CSMD1: variants seen among roughly 807,000 people sequenced by gnomAD.
The protein encoded by CSMD1 is CUB and Sushi multiple domains 1, also known as CUB and sushi domain-containing protein 1.
In CSMD1, 213 loss-of-function variants were observed where a neutral mutation model predicts 417.5. That is an observed-to-expected ratio of 0.51 (90% CI 0.46 to 0.57). The LOEUF (loss-of-function observed/expected upper bound fraction) is 0.57. Among genes scored for constraint, CSMD1 ranks in the 20% least tolerant of loss-of-function variants. The probability of loss-of-function intolerance (pLI) is 0.00; values close to 1 mark genes in which losing one functional copy is unlikely to be tolerated. For missense variants in CSMD1, 6,923 were observed against 4,529.7 expected, an observed-to-expected ratio of 1.53 and a Z score of -15.17; for synonymous variants, 2,862 against 1,736.8, an observed-to-expected ratio of 1.65 and a Z score of -16.11.
At chr8:3,320,067 T>C (rs769065520) in intron 23 of CSMD1, among the ~76,000 whole-genome samples, 15 of 152,058 alleles carry the variant, frequency 9.9e-5, no homozygotes, top group Non-Finnish European at 1.6e-4. Context: ...AACTCCAGCA[T>C]AGAGGGGCTG....
intron 3 of CSMD1, among the ~76,000 whole-genome samples, chr8:4,361,241 A>C (rs1264815631): frequency 6.6e-6 from 1 of 152,198 alleles, no homozygotes; most frequent in Non-Finnish European, 1.5e-5. Context: ...CTCAAAAAGC[A>C]GGAAGGAAAA....
At chr8:4,554,696 A>G (rs776104078) in intron 2 of CSMD1, among the ~76,000 whole-genome samples, 1 of 152,192 alleles carries the variant, frequency 6.6e-6, no homozygotes. Flanking sequence ...CATCATAAAT[A>G]CCTAAAAATT....
intron 2 of CSMD1, among the ~76,000 whole-genome samples, chr8:4,455,824 A>G (rs1272387400): frequency 4.0e-5 from 6 of 148,712 alleles, no homozygotes; most frequent in Non-Finnish European, 7.4e-5. Flanking sequence ...CCAGCTACTC[A>G]GGAGGCTGAG....
intron 17 of CSMD1, among the ~76,000 whole-genome samples, chr8:3,392,920 G>C (rs1011424274): frequency 4.6e-5 from 7 of 152,094 alleles, no homozygotes; most frequent in Admixed American, 4.6e-4. Flanking sequence ...TTTAAACCCC[G>C]CAGGTAACCC....
intron 3 of CSMD1, among the ~76,000 whole-genome samples, chr8:4,267,116 A>C (rs1804272149): frequency 9.6e-6 from 1 of 103,730 alleles, no homozygotes; most frequent in African/African-American, 2.6e-5. Flanking sequence ...AGTGCTTTCT[A>C]ATGCAATTAG....
intron 1 of CSMD1, among the ~76,000 whole-genome samples, chr8:4,970,366 G>A (rs905936747): frequency 6.6e-6 from 1 of 151,946 alleles, no homozygotes; most frequent in African/African-American, 2.4e-5. Flanking sequence ...ATTCAAAAAT[G>A]GTATCAGCTT....
chr8:4,710,484 ATC>A (rs1808217610), intron 1 of CSMD1, among the ~76,000 whole-genome samples: 2 of 147,830 alleles, frequency 1.4e-5, no homozygotes, highest in Middle Eastern at 3.6e-3. Context: ...ATATATATGT[ATC>A]TCTGTCTCTC....
intron 5 of CSMD1, among the ~76,000 whole-genome samples, chr8:3,798,567 T>TG (rs1800289545): frequency 6.6e-6 from 1 of 151,992 alleles, no homozygotes; most frequent in Non-Finnish European, 1.5e-5. Context: ...TTTTGAGAGG[T>TG]GATTGCAATG....
At chr8:3,349,425 T>A (rs770242793) in intron 21 of CSMD1, among the ~76,000 whole-genome samples, 14 of 152,132 alleles carry the variant, frequency 9.2e-5, no homozygotes, top group Admixed American at 3.3e-4. Context: ...AATGCCTCCA[T>A]GTGGAAGGGT....
At chr8:3,938,264 T>G (rs193171517) in intron 5 of CSMD1, among the ~76,000 whole-genome samples, 16 of 152,064 alleles carry the variant, frequency 1.1e-4, no homozygotes, top group Non-Finnish European at 2.2e-4. Context: ...AAAAATTAAA[T>G]CTACAGAGCA....
At chr8:4,689,468 G>T (rs1289095435) in intron 1 of CSMD1, among the ~76,000 whole-genome samples, 3 of 151,870 alleles carry the variant, frequency 2.0e-5, no homozygotes, top group Middle Eastern at 3.2e-3. Context: ...AGGATTTGTG[G>T]GGAAAAAAGG....
chr8:3,165,658 T>G (rs533913370), intron 37 of CSMD1, among the ~76,000 whole-genome samples: 100 of 152,168 alleles, frequency 6.6e-4, no homozygotes, highest in Non-Finnish European at 1.2e-3. Context: ...GGTCTTGAAC[T>G]CCTGACCTCG....
chr8:3,705,940 G>C (rs1801142075), intron 7 of CSMD1, among the ~76,000 whole-genome samples: 1 of 152,222 alleles, frequency 6.6e-6, no homozygotes, highest in African/African-American at 2.4e-5. Context: ...CATGTGGGCA[G>C]CCAGTGTCAC....
chr8:3,487,186 A>C (rs1007472875), intron 11 of CSMD1, among the ~76,000 whole-genome samples: 1 of 129,586 alleles, frequency 7.7e-6, no homozygotes, highest in Admixed American at 8.4e-5. Context: ...TGATTGATGT[A>C]TTATCAGCAT....
At chr8:3,731,152 G>C (rs1796228156) in intron 6 of CSMD1, among the ~76,000 whole-genome samples, 1 of 152,164 alleles carries the variant, frequency 6.6e-6, no homozygotes, top group South Asian at 2.1e-4. Context: ...ATTTCAGTAT[G>C]TCTGTTAACA....
rs1333333760 is a variant in CSMD1, at chr8:3,728,190, T to G, written c.932-19699A>C. Among the ~76,000 whole-genome samples the G allele has an allele frequency of 5.3e-5, 8 of 152,194 alleles. No individual in the cohort carries two copies. The East Asian group carries it at 1.5e-3, about 29-fold the overall frequency. ...TGTTGCCCCCATACTGTTCTCATGG[T>G]AGTGAATAAGTCTCATGTGATCTGA... is the stretch of plus-strand genomic sequence containing the variant. On this transcript the variant is annotated intron_variant, in intron 6 of 69. Coordinates refer to ENST00000635120, the MANE Select transcript of CSMD1 (RefSeq NM_033225.6).
intron 3 of CSMD1, among the ~76,000 whole-genome samples, chr8:4,142,691 G>A (rs1803863151): frequency 6.6e-6 from 1 of 151,086 alleles, no homozygotes; most frequent in African/African-American, 2.5e-5. Flanking sequence ...GTTATTGGGT[G>A]GCTGAGGTTT....
intron 5 of CSMD1, among the ~76,000 whole-genome samples, chr8:3,826,267 C>A (rs537164491): frequency 1.3e-5 from 2 of 152,062 alleles, no homozygotes; most frequent in South Asian, 4.2e-4. Context: ...CACGGGTCAC[C>A]CAAAAATACC....
chr8:4,198,287 C>G (rs935184363), intron 3 of CSMD1, among the ~76,000 whole-genome samples: 13 of 152,224 alleles, frequency 8.5e-5, no homozygotes, highest in Admixed American at 2.0e-4. Flanking sequence ...AGGTAAACCC[C>G]AGAGAAGTGG....
Sources: gnomAD v4.1 joint callset for allele counts (sites outside exome capture counted in the v4.1 genomes callset) on GRCh38, gnomAD v4.1.1 for gene constraint, MANE v1.5 for transcripts, NCBI Gene and HGNC (gene_info 2026-07-23, HGNC 2026-07-21) for gene names.